Variants in WTIP observed in about 807,000 individuals in gnomAD.
WTIP encodes the protein WT1 interacting protein.
In WTIP, 23 loss-of-function variants were observed where a neutral mutation model predicts 41.7. The observed-to-expected ratio is 0.55, with a 90% confidence interval of 0.40 to 0.78. The LOEUF (loss-of-function observed/expected upper bound fraction) is 0.78. Ranked by LOEUF, WTIP falls within the 30% of genes least tolerant of loss-of-function variation. The pLI is 0.00. For synonymous variants in WTIP, 314 were observed against 269.9 expected (o/e 1.16, Z -1.60); for missense variants, 619 against 610.5 (o/e 1.01, Z -0.15).
intron 6 of WTIP, among the ~76,000 whole-genome samples, chr19:34,495,478 C>T (rs575448991): frequency 1.4e-4 from 21 of 152,244 alleles, no homozygotes; most frequent in South Asian, 6.2e-4. Flanking sequence ...GGCCTTTGTG[C>T]GTACTGTGGG....
rs1214052382 is a variant in WTIP at position 34,500,731 on chromosome 19, T to G, written c.*462T>G. The G allele has an allele frequency of 6.3e-6, 1 of 158,846 alleles. No homozygotes were observed. Among genetic ancestry groups the G allele is most frequent in the African/African-American group, 2.4e-5 (1 of 41,722 alleles). 9.8% of individuals were successfully genotyped at this position (158,846 alleles called of 1,614,324 possible). ...GCGGGGCTGGCGGGGACATGGGTGT[T>G]CCTGCATCTCCTAGCGCAGTTCCTG... On this transcript the variant is annotated 3_prime_UTR_variant, in exon 8 of 8. Coordinates refer to ENST00000590071, the MANE Select transcript of WTIP (RefSeq NM_001080436.2).
At chr19:34,485,234 C>T (rs1383805820) in intron 1 of WTIP, among the ~76,000 whole-genome samples, 1 of 152,084 alleles carries the variant, frequency 6.6e-6, no homozygotes, top group Non-Finnish European at 1.5e-5. Flanking sequence ...AGGTGCGTAC[C>T]GCCATGCCCG....
rs1282909823 is a variant in WTIP at position 34,511,293 on chromosome 19, A to G, written c.*11024A>G. On this transcript the variant is annotated 3_prime_UTR_variant, in exon 8 of 8. Coordinates refer to ENST00000590071, the MANE Select transcript of WTIP (RefSeq NM_001080436.2). ...AAAAGCGGAAACCCTCGATAAAACCATGAGATCTCGTGAGACATATTCACT... is the reference window on the plus strand; with the variant it reads ...AAAAGCGGAAACCCTCGATAAAACCGTGAGATCTCGTGAGACATATTCACT... 2 of 152,190 alleles carry G rather than the reference A, an allele frequency of 1.3e-5. No homozygotes were observed. Among genetic ancestry groups the G allele is most frequent in the South Asian group, 2.1e-4 (1 of 4,834 alleles). The allele number at this position is 152,190 out of a possible 1,614,324, so 9.4% of individuals were successfully genotyped here. A position where few individuals can be genotyped will look rare whatever the true frequency, so the allele number is the denominator to read the frequency against.
chr19:34,490,634 G>T (rs2075820908), intron 2 of WTIP, among the ~76,000 whole-genome samples, 157 bp downstream of exon 2: 1 of 152,122 alleles, frequency 6.6e-6, no homozygotes, highest in African/African-American at 2.4e-5. Flanking sequence ...GGAGGCATGG[G>T]GCCCCTGAGG....
intron 7 of WTIP, chr19:34,498,641 C>T (rs2075868246): frequency 6.6e-6 from 1 of 152,396 alleles, no homozygotes; most frequent in African/African-American, 2.4e-5. Flanking sequence ...TGGCTCACGC[C>T]TGTAATCCCA....
chr19:34,486,626 A>G (rs2075798894), intron 1 of WTIP, among the ~76,000 whole-genome samples: 1 of 151,938 alleles, frequency 6.6e-6, no homozygotes, highest in African/African-American at 2.4e-5. Context: ...TTGGCCTCCC[A>G]AAGTGCTGGG....
Position 34,493,173 on chromosome 19 carries a change from A to T in WTIP, c.837+69A>T, listed in dbSNP as rs2075834513. The T allele has an allele frequency of 6.2e-7, 1 of 1,612,816 alleles. No individual in the cohort carries two copies. Among genetic ancestry groups the T allele is most frequent in the East Asian group, 2.2e-5 (1 of 44,868 alleles). ...GGGCAGGGACCCTCATTCTGACTCG[A>T]GTGGAGACCTGAGGCCAGGAGGCAG... On this transcript the variant is annotated intron_variant, in intron 3 of 7. Coordinates refer to ENST00000590071, the MANE Select transcript of WTIP (RefSeq NM_001080436.2). The surrounding 1 kb of genome is among the most constrained non-coding windows in gnomAD (Gnocchi z 4.1).
At chr19:34,483,477 G>T (rs549562329) in intron 1 of WTIP, among the ~76,000 whole-genome samples, 133 of 152,324 alleles carry the variant, frequency 8.7e-4, no homozygotes, top group Admixed American at 2.2e-3. Flanking sequence ...ACCGGATACC[G>T]CCTGACCCAG....
chr19:34,489,448 G>A (rs2075814648), intron 1 of WTIP, among the ~76,000 whole-genome samples: 1 of 152,140 alleles, frequency 6.6e-6, no homozygotes, highest in Non-Finnish European at 1.5e-5. Context: ...GAGGAGGACA[G>A]AGTGGGTACA....
At chr19:34,488,966 A>G (rs1299391579) in intron 1 of WTIP, among the ~76,000 whole-genome samples, 1 of 151,108 alleles carries the variant, frequency 6.6e-6, no homozygotes, top group African/African-American at 2.4e-5. Flanking sequence ...GGGAGGCCAA[A>G]GTGGGTGAAT....
rs897437960 is a variant in WTIP at position 34,482,037 on chromosome 19, G to A, written c.63G>A (p.Arg21=). ...AALLLAGLAL[R]ELEPGCGSPG... ...TACTCCTGGCCGGGCTGGCCCTGCG[G>A]GAGCTGGAGCCCGGGTGCGGCTCTC... The change falls in exon 1 of 8, where the codon CGG becomes CGA. Residue 21 remains arginine, a synonymous_variant. Transcript: ENST00000590071. 6 of 1,029,318 alleles carry A rather than the reference G, an allele frequency of 5.8e-6. No homozygotes were observed. The highest frequency in any genetic ancestry group is 7.0e-6 in the Non-Finnish European group (6 of 859,762). 63.8% of individuals were successfully genotyped at this position (1,029,318 alleles called of 1,614,324 possible).
At position 34,505,120 on chromosome 19, in the gene WTIP, A is replaced by G. The variant is rs1397723060; in HGVS notation, c.*4851A>G. Reference sequence around the variant, plus strand: ...GGAGAGGGGCATGTGCACACATTTCATGGGGATGATGGGGGACTCTGGGAG... The same window carrying G: ...GGAGAGGGGCATGTGCACACATTTCGTGGGGATGATGGGGGACTCTGGGAG... On this transcript the variant is annotated 3_prime_UTR_variant, in exon 8 of 8. Transcript: ENST00000590071. 1.3e-5 allele frequency: 2 copies of G among 152,194 alleles called. No homozygotes were observed. The highest frequency in any genetic ancestry group is 2.9e-5 in the Non-Finnish European group (2 of 68,170). The allele number at this position is 152,194 out of a possible 1,614,324, so 9.4% of individuals were successfully genotyped here.
rs1040612840 is a variant in WTIP, at chr19:34,501,244, G to T, written c.*975G>T. 37 of 152,618 alleles carry T rather than the reference G, an allele frequency of 2.4e-4. No individual in the cohort carries two copies. The highest frequency in any genetic ancestry group is 8.9e-4 in the African/African-American group (37 of 41,442). The allele number at this position is 152,618 out of a possible 1,614,324, so 9.5% of individuals were successfully genotyped here. A position where few individuals can be genotyped will look rare whatever the true frequency, so the allele number is the denominator to read the frequency against. On this transcript the variant is annotated 3_prime_UTR_variant, in exon 8 of 8. Coordinates refer to ENST00000590071, the MANE Select transcript of WTIP (RefSeq NM_001080436.2). ...ACAAGTGTCTAGTTTGTCTGTTACG[G>T]AGCTGGTTTTCAGGTGGTAAGAACC...
In WTIP at chr19:34,493,638, T is replaced by C. The variant is rs2277981; in HGVS notation, c.1031+16T>C. On this transcript the variant is annotated intron_variant, in intron 5 of 7. Coordinates refer to ENST00000590071, the MANE Select transcript of WTIP (RefSeq NM_001080436.2). The surrounding 1 kb of genome is among the most constrained non-coding windows in gnomAD (Gnocchi z 4.1). ...ACTATCACACGTGAGTTGCTGGTGC[T>C]GTGGAGCAGGCGGGACTCGGGCCGT... 0.058 allele frequency: 93,211 copies of C among 1,612,882 alleles called. 6,995 individuals are homozygous for C. The highest frequency in any genetic ancestry group is 0.41 in the East Asian group (18,168 of 44,858).
chr19:34,489,298 G>A (rs2145597368), intron 1 of WTIP, among the ~76,000 whole-genome samples: 1 of 151,806 alleles, frequency 6.6e-6, no homozygotes, highest in East Asian at 1.9e-4. Context: ...TCCACTCGAT[G>A]CAAGCTTCTT....
rs1174519207 is a variant in WTIP, at chr19:34,511,016, A to G, written c.*10747A>G. 1 of 152,268 alleles carries G rather than the reference A, an allele frequency of 6.6e-6. No individual in the cohort carries two copies. The highest frequency in any genetic ancestry group is 1.5e-5 in the Non-Finnish European group (1 of 68,088). The allele number at this position is 152,268 out of a possible 1,614,324, so 9.4% of individuals were successfully genotyped here. On this transcript the variant is annotated 3_prime_UTR_variant, in exon 8 of 8. Transcript: ENST00000590071. ...TTCCTATATTCTTCTGAGCCCTCCA[A>G]ACTGTTCCAACCTCTGCCTGTTACC...
In WTIP at chr19:34,511,406, G is replaced by A. The variant is rs967116075; in HGVS notation, c.*11137G>A. 6.6e-6 allele frequency: 1 copy of A among 152,118 alleles called. No homozygotes were observed. Among genetic ancestry groups the A allele is most frequent in the Non-Finnish European group, 1.5e-5 (1 of 68,024 alleles). 9.4% of individuals were successfully genotyped at this position (152,118 alleles called of 1,614,324 possible). A position where few individuals can be genotyped will look rare whatever the true frequency, so the allele number is the denominator to read the frequency against. On this transcript the variant is annotated 3_prime_UTR_variant, in exon 8 of 8. Transcript: ENST00000590071. ...CCCACAACACGTGAGAATTATGGGA[G>A]TACAATTCAAGATGAGATTTCGGTG...
chr19:34,505,386 C>G lies in WTIP; in HGVS notation c.*5117C>G, dbSNP rs1261199730. 1 of 152,308 alleles carries G rather than the reference C, an allele frequency of 6.6e-6. No individual in the cohort carries two copies. The highest frequency in any genetic ancestry group is 1.5e-5 in the Non-Finnish European group (1 of 68,114). 9.4% of individuals were successfully genotyped at this position (152,308 alleles called of 1,614,324 possible). ...CTGGGCCACCATCCCAGACCTGGGG[C>G]ATGTGTCACAGGGCTGCCAGGAGGG... On this transcript the variant is annotated 3_prime_UTR_variant, in exon 8 of 8. Coordinates refer to ENST00000590071, the MANE Select transcript of WTIP (RefSeq NM_001080436.2).
Position 34,493,661 on chromosome 19 carries a change from C to T in WTIP, c.1031+39C>T, listed in dbSNP as rs202212768. On this transcript the variant is annotated intron_variant, in intron 5 of 7. Transcript: ENST00000590071. The surrounding 1 kb of genome is among the most constrained non-coding windows in gnomAD (Gnocchi z 4.1). ...GCTGTGGAGCAGGCGGGACTCGGGC[C>T]GTCCTCCCTGGCTCCTCTGGAAGCA... The T allele has an allele frequency of 8.5e-4, 1,365 of 1,610,812 alleles. 1 individual carries two copies. Among genetic ancestry groups the T allele is most frequent in the South Asian group, 1.4e-3 (128 of 91,000 alleles).
Sources: allele counts gnomAD v4.1 joint callset (sites outside exome capture counted in the v4.1 genomes callset), GRCh38; gene constraint gnomAD v4.1.1; non-coding constraint Gnocchi (gnomAD v3.1); transcripts MANE v1.5; gene names NCBI Gene and HGNC (gene_info 2026-07-23, HGNC 2026-07-21).